TSPAN5: variants seen among roughly 807,000 people sequenced by gnomAD.
TSPAN5 encodes the protein tetraspanin-5.
A neutral mutation model predicts 37.1 loss-of-function variants in TSPAN5; 10 were observed. That is an observed-to-expected ratio of 0.27 (90% CI 0.17 to 0.46). TSPAN5 has a LOEUF of 0.46. Among genes scored for constraint, TSPAN5 ranks in the 20% least tolerant of loss-of-function variants. The pLI, the probability that TSPAN5 is intolerant of heterozygous loss-of-function variation, is 1.00. For synonymous variants in TSPAN5, 110 were observed against 118.9 expected (o/e 0.93, Z 0.48); for missense variants, 195 against 326.6 (o/e 0.60, Z 3.11).
intron 1 of TSPAN5, among the ~76,000 whole-genome samples, chr4:98,537,953 C>T (rs138912433): frequency 2.7e-4 from 41 of 152,316 alleles, no homozygotes; most frequent in Non-Finnish European, 4.1e-4. Context: ...ACATTCCAGC[C>T]GACAGCAGGA....
At chr4:98,546,129 C>T (rs922771599) in intron 1 of TSPAN5, among the ~76,000 whole-genome samples, 1 of 152,136 alleles carries the variant, frequency 6.6e-6, no homozygotes, top group Non-Finnish European at 1.5e-5. Flanking sequence ...TAAAGAAGGG[C>T]AAACTGATTC....
intron 1 of TSPAN5, among the ~76,000 whole-genome samples, chr4:98,520,141 C>T (rs992604752): frequency 3.8e-4 from 58 of 151,876 alleles, no homozygotes; most frequent in African/African-American, 1.3e-3. Context: ...CAGAGGGGAC[C>T]AAAAGGGGAG....
chr4:98,568,701 G>C (rs1755059567), intron 1 of TSPAN5, among the ~76,000 whole-genome samples: 1 of 152,166 alleles, frequency 6.6e-6, no homozygotes, highest in Non-Finnish European at 1.5e-5. Flanking sequence ...AGGGAGAGAA[G>C]ATATAAAGGC....
chr4:98,627,098 A>G (rs1163671922), intron 1 of TSPAN5, among the ~76,000 whole-genome samples: 1 of 152,128 alleles, frequency 6.6e-6, no homozygotes, highest in Non-Finnish European at 1.5e-5. Flanking sequence ...GGCAGGTAAC[A>G]CTAGTGGGGT....
intron 1 of TSPAN5, among the ~76,000 whole-genome samples, chr4:98,623,681 G>A (rs1341214866): frequency 6.6e-6 from 1 of 152,164 alleles, no homozygotes; most frequent in Non-Finnish European, 1.5e-5. Flanking sequence ...AAGAGTATAG[G>A]AAACAGTTTT....
chr4:98,654,353 T>C (rs1757255629), intron 1 of TSPAN5, among the ~76,000 whole-genome samples: 1 of 152,162 alleles, frequency 6.6e-6, no homozygotes, highest in Non-Finnish European at 1.5e-5. Flanking sequence ...GTATCCAGAA[T>C]CCAAAACAGT....
At chr4:98,531,553 G>A (rs1405347946) in intron 1 of TSPAN5, among the ~76,000 whole-genome samples, 1 of 152,064 alleles carries the variant, frequency 6.6e-6, no homozygotes, top group African/African-American at 2.4e-5. Context: ...TTTATAGAAT[G>A]ATTTATAATC....
At chr4:98,474,365 C>CT (rs1314300826) in intron 7 of TSPAN5, among the ~76,000 whole-genome samples, 2 of 152,040 alleles carry the variant, frequency 1.3e-5, no homozygotes, top group African/African-American at 4.8e-5. Flanking sequence ...ATTTCATCTT[C>CT]TTTTTTGAGA....
Position 98,533,543 on chromosome 4 carries a change from C to CT in TSPAN5, c.82-25816dup, listed in dbSNP as rs576852948. Among the ~76,000 whole-genome samples, 113 of 58,574 alleles carry CT rather than the reference C, an allele frequency of 1.9e-3. 2 individuals are homozygous for CT. Among genetic ancestry groups the CT allele is most frequent in the African/African-American group, 4.9e-3 (54 of 11,018 alleles). 38.4% of individuals were successfully genotyped at this position (58,574 alleles called of 152,430 possible). A position where few individuals can be genotyped will look rare whatever the true frequency, so the allele number is the denominator to read the frequency against. On this transcript the variant is annotated intron_variant, in intron 1 of 7. Coordinates refer to ENST00000305798, the MANE Select transcript of TSPAN5 (RefSeq NM_005723.4). ...GGATTGGTGGTGATATCCCCTATAT[C>CT]TTTTTTTTTTTTTTTTTTTTTTCTT...
intron 1 of TSPAN5, chr4:98,510,016 A>G (rs1004764086): frequency 4.6e-5 from 7 of 152,132 alleles, no homozygotes; most frequent in African/African-American, 1.7e-4. Context: ...CCTGCTGCTG[A>G]TGGTGTGGAC....
chr4:98,498,476 G>A (rs1410603299), intron 2 of TSPAN5, among the ~76,000 whole-genome samples: 1 of 152,158 alleles, frequency 6.6e-6, no homozygotes, highest in African/African-American at 2.4e-5. Flanking sequence ...GAAAACCAAA[G>A]TGAGTAGGAG....
At chr4:98,544,604 C>CTG (rs1429077765) in intron 1 of TSPAN5, among the ~76,000 whole-genome samples, 2 of 152,158 alleles carry the variant, frequency 1.3e-5, no homozygotes, top group African/African-American at 2.4e-5. Context: ...TGTCACATGT[C>CTG]TGTATTTTGC....
At chr4:98,504,286 G>A (rs1753423507) in intron 2 of TSPAN5, among the ~76,000 whole-genome samples, 1 of 152,148 alleles carries the variant, frequency 6.6e-6, no homozygotes, top group South Asian at 2.1e-4. Context: ...ATGGGCTGAT[G>A]GTGTCAGCTC....
At chr4:98,476,721 A>G (rs895754541) in intron 5 of TSPAN5, among the ~76,000 whole-genome samples, 2 of 152,240 alleles carry the variant, frequency 1.3e-5, no homozygotes, top group South Asian at 2.1e-4. Flanking sequence ...CAGCAAGTCT[A>G]TCACACAGGA....
At chr4:98,512,170 G>A (rs1401211388) in intron 1 of TSPAN5, among the ~76,000 whole-genome samples, 19 of 151,974 alleles carry the variant, frequency 1.3e-4, no homozygotes, top group South Asian at 1.2e-3. Flanking sequence ...CTGAGATCGC[G>A]CCACTGCACT....
intron 1 of TSPAN5, among the ~76,000 whole-genome samples, chr4:98,580,379 C>A (rs1456506578): frequency 6.6e-6 from 1 of 152,174 alleles, no homozygotes; most frequent in African/African-American, 2.4e-5. Context: ...GGCAAGTTGT[C>A]CAGCTGACCT....
At chr4:98,512,577 C>T (rs148257149) in intron 1 of TSPAN5, among the ~76,000 whole-genome samples, 4 of 152,242 alleles carry the variant, frequency 2.6e-5, no homozygotes, top group Middle Eastern at 3.4e-3. Flanking sequence ...GTGATGAGGG[C>T]GATTAGTTAC....
chr4:98,650,063 A>G (rs17027888), intron 1 of TSPAN5, among the ~76,000 whole-genome samples: 4,908 of 152,314 alleles, frequency 0.032, 249 homozygotes, highest in East Asian at 0.24. Flanking sequence ...AGATGCTTAC[A>G]AGAAAAACAT....
chr4:98,475,176 G>T (rs935518606), intron 7 of TSPAN5, among the ~76,000 whole-genome samples: 1 of 152,120 alleles, frequency 6.6e-6, no homozygotes, highest in African/African-American at 2.4e-5. Context: ...TGAATTTTAG[G>T]ATCAGCTTGT....
Sources: allele counts gnomAD v4.1 joint callset (sites outside exome capture counted in the v4.1 genomes callset), GRCh38; gene constraint gnomAD v4.1.1; transcripts MANE v1.5; gene names NCBI Gene and HGNC (gene_info 2026-07-23, HGNC 2026-07-21).